The following LAMA2 variants were observed in gnomAD, a reference collection of about 807,000 sequenced individuals.
LAMA2 encodes the protein laminin subunit alpha 2.
In LAMA2, 269 loss-of-function variants were observed where a neutral mutation model predicts 364.8. The observed-to-expected ratio is 0.74, with a 90% CI of 0.67 to 0.82. The LOEUF (loss-of-function observed/expected upper bound fraction) is 0.82, where lower values mean the gene tolerates loss of function less well. Among genes scored for constraint, LAMA2 ranks in the 40% least tolerant of loss-of-function variants. The probability of loss-of-function intolerance (pLI) is 0.00; values close to 1 mark genes in which losing one functional copy is unlikely to be tolerated. For synonymous variants in LAMA2, 1,379 were observed against 1,370.6 expected (o/e 1.01, Z -0.14); for missense variants, 3,807 against 3,873.2 (o/e 0.98, Z 0.45).
chr6:128,910,539 T>G (rs1244802542), intron 1 of LAMA2, among the ~76,000 whole-genome samples: 14 of 152,002 alleles, frequency 9.2e-5, no homozygotes, highest in Non-Finnish European at 1.9e-4. Context: ...TACATTCTTC[T>G]AAATTTTTTT....
chr6:129,032,120 T>G, intron 1 of LAMA2, among the ~76,000 whole-genome samples: 1 of 152,322 alleles, frequency 6.6e-6, no homozygotes, highest in South Asian at 2.1e-4. Context: ...GCCCATCCTC[T>G]GATATGAATT....
intron 12 of LAMA2, among the ~76,000 whole-genome samples, chr6:129,215,876 G>GTGGGATCTGT (rs1783394513): frequency 6.6e-6 from 1 of 152,136 alleles, no homozygotes; most frequent in African/African-American, 2.4e-5. Context: ...TTATATAACA[G>GTGGGATCTGT]ATCCCACTAG....
chr6:129,442,948 G>T, intron 43 of LAMA2, 115 bp from the exon 44 acceptor site: 1 of 711,938 alleles, frequency 1.4e-6, no homozygotes, highest in East Asian at 2.8e-5. Context: ...TTTATAATTA[G>T]TACCTGTTAT....
intron 1 of LAMA2, among the ~76,000 whole-genome samples, chr6:128,888,408 T>C (rs936135977): frequency 1.3e-5 from 2 of 152,286 alleles, no homozygotes; most frequent in African/African-American, 4.8e-5. Context: ...AGGACTATGA[T>C]GAATATATGA....
chr6:128,893,783 A>C (rs1776606267), intron 1 of LAMA2, among the ~76,000 whole-genome samples: 1 of 151,762 alleles, frequency 6.6e-6, no homozygotes, highest in Admixed American at 6.6e-5. Flanking sequence ...AATGTTTACT[A>C]ATTAATTTAA....
intron 48 of LAMA2, among the ~76,000 whole-genome samples, chr6:129,459,159 C>G (rs940750850): frequency 3.3e-5 from 5 of 152,050 alleles, no homozygotes; most frequent in Non-Finnish European, 5.9e-5. Context: ...GCCTACTGCT[C>G]CAAGGCTAGA....
intron 10 of LAMA2, among the ~76,000 whole-genome samples, chr6:129,181,691 C>G (rs58713330): frequency 0.33 from 49,213 of 151,334 alleles, 11,012 homozygotes; most frequent in African/African-American, 0.65. Context: ...AAATATGATG[C>G]TAACTGACTC....
chr6:129,464,507 TATCAGTTATTGGTAAAATC>T (rs995809699), intron 50 of LAMA2, 55 bp downstream of exon 50: 6 of 1,369,116 alleles, frequency 4.4e-6, no homozygotes, highest in Middle Eastern at 1.8e-4. Flanking sequence ...TTGCTTCTTT[TATCAGTTATTGGTAAAATC>T]ATCAGTTATT....
intron 1 of LAMA2, among the ~76,000 whole-genome samples, chr6:128,989,243 G>A (rs1167697331): frequency 6.6e-6 from 1 of 152,060 alleles, no homozygotes; most frequent in Non-Finnish European, 1.5e-5. Context: ...TAGAAGTTCA[G>A]AAAAATCAAA....
At chr6:128,968,569 G>T (rs1210202836) in intron 1 of LAMA2, among the ~76,000 whole-genome samples, 1 of 152,206 alleles carries the variant, frequency 6.6e-6, no homozygotes, top group Non-Finnish European at 1.5e-5. Context: ...CCCTGCTAAA[G>T]AAGTGTTGGG....
chr6:129,388,179 C>A (rs1210387082), intron 35 of LAMA2, among the ~76,000 whole-genome samples: 2 of 151,866 alleles, frequency 1.3e-5, no homozygotes, highest in African/African-American at 4.8e-5. Context: ...ATCGCTTGAA[C>A]CCAGGAGGTG....
chr6:129,299,924 G>A (rs1234446223), intron 21 of LAMA2, among the ~76,000 whole-genome samples: 1 of 152,066 alleles, frequency 6.6e-6, no homozygotes, highest in Non-Finnish European at 1.5e-5. Flanking sequence ...AAGTATTTGG[G>A]TTTCTTCCCT....
chr6:129,445,072 G>T (rs746454157), intron 44 of LAMA2, among the ~76,000 whole-genome samples: 1 of 152,100 alleles, frequency 6.6e-6, no homozygotes, highest in African/African-American at 2.4e-5. Context: ...GTAACACAGG[G>T]TAATCAACTA....
intron 12 of LAMA2, among the ~76,000 whole-genome samples, chr6:129,228,059 C>T (rs1562355828): frequency 6.6e-6 from 1 of 152,160 alleles, no homozygotes; most frequent in Non-Finnish European, 1.5e-5. Flanking sequence ...CTTGCTGCCA[C>T]CTTGCAGTTC....
At position 129,400,804 on chromosome 6, in the gene LAMA2, C is replaced by T. The variant is rs1779924587; in HGVS notation, c.5446-420C>T. On this transcript the variant is annotated intron_variant, in intron 37 of 64. Coordinates refer to ENST00000421865, the MANE Select transcript of LAMA2 (RefSeq NM_000426.4). ...CTTAAAAATCTCACTTCAAATTTCA[C>T]AGAACTCCCATTGAATACATCTGCT... Among the ~76,000 whole-genome samples, 3 of 152,318 alleles carry T rather than the reference C, an allele frequency of 2.0e-5. 1 individual carries two copies. The highest frequency in any genetic ancestry group is 6.8e-3 in the Middle Eastern group (2 of 294).
rs909866897 is a variant in LAMA2 at position 129,080,164 on chromosome 6, A to T, written c.397-18009A>T. Among the ~76,000 whole-genome samples, 17 of 152,258 alleles carry T rather than the reference A, an allele frequency of 1.1e-4. No homozygotes were observed. In the East Asian group the frequency reaches 3.3e-3, roughly 29 times the overall value. On this transcript the variant is annotated intron_variant, in intron 3 of 64. Coordinates refer to ENST00000421865, the MANE Select transcript of LAMA2 (RefSeq NM_000426.4). Reference sequence around the variant, plus strand: ...CATAAATTATCTTATAGAACTTTTCAACTCCGTAAGAAAGATACTATTATA... The same window carrying T: ...CATAAATTATCTTATAGAACTTTTCTACTCCGTAAGAAAGATACTATTATA...
intron 1 of LAMA2, among the ~76,000 whole-genome samples, chr6:128,982,580 T>A (rs1395242401): frequency 6.6e-6 from 1 of 152,072 alleles, no homozygotes; most frequent in Non-Finnish European, 1.5e-5. Flanking sequence ...TTTTACCAGT[T>A]TTTTTCCAGT....
chr6:129,364,289 C>G (rs148325821), intron 32 of LAMA2, among the ~76,000 whole-genome samples: 372 of 152,302 alleles, frequency 2.4e-3, no homozygotes, highest in African/African-American at 8.2e-3. Flanking sequence ...CTCCATTAAG[C>G]AGCTCAGGGG....
At chr6:129,485,272 A>G (rs1174904033) in intron 55 of LAMA2, among the ~76,000 whole-genome samples, 1 of 152,220 alleles carries the variant, frequency 6.6e-6, no homozygotes, top group African/African-American at 2.4e-5. Context: ...AAAGAAATGA[A>G]TGTGAATCAC....
Sources: gnomAD v4.1 joint callset for allele counts (sites outside exome capture counted in the v4.1 genomes callset) on GRCh38, gnomAD v4.1.1 for gene constraint, MANE v1.5 for transcripts, NCBI Gene and HGNC (gene_info 2026-07-23, HGNC 2026-07-21) for gene names.